The following TBP variants were observed in gnomAD, a reference collection of about 807,000 sequenced individuals.
The protein encoded by TBP is TATA-box binding protein.
A neutral mutation model predicts 46.2 loss-of-function variants in TBP; 12 were observed. The observed-to-expected ratio is 0.26, with a 90% CI of 0.17 to 0.42. TBP has a LOEUF of 0.42. Among genes scored for constraint, TBP ranks in the 10% least tolerant of loss-of-function variants. The pLI, the probability that TBP is intolerant of heterozygous loss-of-function variation, is 1.00. For synonymous variants in TBP, 157 were observed against 148.3 expected, an observed-to-expected ratio of 1.06 and a Z score of -0.42; for missense variants, 229 against 403.1, an observed-to-expected ratio of 0.57 and a Z score of 3.70.
Position 170,572,558 on chromosome 6 carries a change from G to A in TBP, c.*293G>A, listed in dbSNP as rs1449578245. On this transcript the variant is annotated 3_prime_UTR_variant, in exon 8 of 8. Coordinates refer to ENST00000392092, the MANE Select transcript of TBP (RefSeq NM_003194.5). Reference sequence around the variant, plus strand: ...AGATTTTAAACACTGCTGTTGACAAGTTGGTTTGAGGGAGAAAACTTTAAG... The same window carrying A: ...AGATTTTAAACACTGCTGTTGACAAATTGGTTTGAGGGAGAAAACTTTAAG... The A allele has an allele frequency of 3.0e-6, 1 of 330,666 alleles. No individual in the cohort carries two copies. The highest frequency in any genetic ancestry group is 5.2e-5 in the East Asian group (1 of 19,328). The allele number at this position is 330,666 out of a possible 1,614,324, so 20.5% of individuals were successfully genotyped here.
intron 2 of TBP, 57 bp downstream of exon 2, chr6:170,557,140 G>A: frequency 2.7e-6 from 4 of 1,483,788 alleles, no homozygotes; most frequent in Non-Finnish European, 3.8e-6. Flanking sequence ...GCAAGAGATG[G>A]TATCAAAAGG....
intron 2 of TBP, 39 bp from the exon 3 acceptor site, chr6:170,561,752 G>T (rs774448149): frequency 3.8e-6 from 6 of 1,587,860 alleles, no homozygotes; most frequent in Non-Finnish European, 5.2e-6. Flanking sequence ...ACACTTAGCA[G>T]CAGCCAGCCT....
intron 4 of TBP, among the ~76,000 whole-genome samples, chr6:170,566,027 T>G (rs758956537): frequency 6.6e-6 from 1 of 151,972 alleles, no homozygotes; most frequent in Non-Finnish European, 1.5e-5. Flanking sequence ...TGAGCCATGA[T>G]TGCACCACTG....
intron 7 of TBP, among the ~76,000 whole-genome samples, chr6:170,571,874 AGTT>A (rs1280477655): frequency 1.3e-5 from 2 of 151,912 alleles, no homozygotes; most frequent in Non-Finnish European, 1.5e-5. Context: ...AAGAAGATTC[AGTT>A]GTTATCATTG....
chr6:170,569,296 T>C (rs545787907), intron 5 of TBP, among the ~76,000 whole-genome samples: 1 of 152,338 alleles, frequency 6.6e-6, no homozygotes, highest in South Asian at 2.1e-4. Context: ...AGTTTTCCTC[T>C]CAGTAGAAAT....
At chr6:170,557,228 A>G (rs987338990) in intron 2 of TBP, 145 bp downstream of exon 2, 12 of 756,050 alleles carry the variant, frequency 1.6e-5, no homozygotes, top group South Asian at 1.4e-4. Flanking sequence ...GAGAAGTTCT[A>G]TTAGGCTTTG....
At chr6:170,568,453 T>G (rs1779306190) in intron 5 of TBP, among the ~76,000 whole-genome samples, 1 of 151,304 alleles carries the variant, frequency 6.6e-6, no homozygotes, top group Non-Finnish European at 1.5e-5. Context: ...CACATTCTTT[T>G]TTGTTGTTGT....
At chr6:170,557,191 A>G in intron 2 of TBP, 108 bp downstream of exon 2, 1 of 1,096,282 alleles carries the variant, frequency 9.1e-7, no homozygotes, top group Non-Finnish European at 1.4e-6. Context: ...AAAATGGTTT[A>G]ATATGTTTTT....
At chr6:170,568,281 C>G in intron 5 of TBP, among the ~76,000 whole-genome samples, 1 of 152,162 alleles carries the variant, frequency 6.6e-6, no homozygotes, top group East Asian at 1.9e-4. Flanking sequence ...CCCAGAGCAT[C>G]TGAAAACTGA....
chr6:170,561,446 T>C (rs1779136717), intron 2 of TBP, among the ~76,000 whole-genome samples: 1 of 152,216 alleles, frequency 6.6e-6, no homozygotes, highest in Non-Finnish European at 1.5e-5. Context: ...GAGCTCTTTA[T>C]TATTCTGTTT....
At chr6:170,568,815 CTTTTTTT>C (rs377394208) in intron 5 of TBP, among the ~76,000 whole-genome samples, 7 of 62,606 alleles carry the variant, frequency 1.1e-4, no homozygotes, top group Admixed American at 2.2e-4. Flanking sequence ...CTTTCCTTTT[CTTTTTTT>C]TTTTTTTTTT....
intron 5 of TBP, 60 bp downstream of exon 5, chr6:170,567,069 ATTG>A: frequency 7.0e-7 from 1 of 1,438,700 alleles, no homozygotes; most frequent in Admixed American, 1.9e-5. Context: ...GTGATATCTC[ATTG>A]TTTTTAGGTT....
chr6:170,568,985 G>C (rs1779323878), intron 5 of TBP, among the ~76,000 whole-genome samples: 1 of 151,572 alleles, frequency 6.6e-6, no homozygotes, highest in South Asian at 2.1e-4. Context: ...GCTAATTTTT[G>C]TATTTTTAGT....
intron 4 of TBP, 58 bp from the exon 5 acceptor site, chr6:170,566,860 C>A: frequency 6.6e-7 from 1 of 1,526,658 alleles, no homozygotes; most frequent in Non-Finnish European, 9.0e-7. Flanking sequence ...GGTGGTTCGC[C>A]TAACAACATT....
intron 2 of TBP, among the ~76,000 whole-genome samples, chr6:170,559,580 T>C (rs1386194185): frequency 6.6e-6 from 1 of 152,184 alleles, no homozygotes; most frequent in Non-Finnish European, 1.5e-5. Flanking sequence ...GAGGAAGCTG[T>C]AGAAGAAAGT....
chr6:170,555,683 AG>A (rs1448389904), intron 1 of TBP, among the ~76,000 whole-genome samples: 1 of 152,174 alleles, frequency 6.6e-6, no homozygotes, highest in African/African-American at 2.4e-5. Flanking sequence ...CTTCTCTTCC[AG>A]GGGTGTATAT....
At chr6:170,557,735 C>CAA (rs35269766) in intron 2 of TBP, among the ~76,000 whole-genome samples, 13,340 of 51,702 alleles carry the variant, frequency 0.26, 2,859 homozygotes, top group East Asian at 0.75. Context: ...GACTCTGTCT[C>CAA]AAAAAAAAAA....
chr6:170,563,515 A>C (rs879851910), intron 3 of TBP, among the ~76,000 whole-genome samples: 3 of 152,264 alleles, frequency 2.0e-5, no homozygotes, highest in Non-Finnish European at 4.4e-5. Flanking sequence ...GGTATAGTTC[A>C]TAAGTGGACA....
chr6:170,561,966 AGCAGCAGCAGCAGCAG>A lies in TBP; in HGVS notation c.231_246del (p.Gln77HisfsTer62), dbSNP rs1779152778. On this transcript the variant is annotated frameshift_variant, in exon 3 of 8. Coordinates refer to ENST00000392092, the MANE Select transcript of TBP (RefSeq NM_003194.5). LOFTEE classifies it high-confidence loss of function. ...CAGCAGCAGCAACAGCAACAGCAGC[AGCAGCAGCAGCAGCAG>A]CAGCAGCAGCAGCAGCAGCAGCAGC... 1.5e-3 allele frequency: 1,942 copies of A among 1,290,046 alleles called. 14 individuals carry two copies. The highest frequency in any genetic ancestry group is 7.4e-3 in the Middle Eastern group (38 of 5,118). The allele number at this position is 1,290,046 out of a possible 1,614,324, so 79.9% of individuals were successfully genotyped here.
Sources: allele counts gnomAD v4.1 joint callset (sites outside exome capture counted in the v4.1 genomes callset), GRCh38; gene constraint gnomAD v4.1.1; transcripts MANE v1.5; gene names NCBI Gene and HGNC (gene_info 2026-07-23, HGNC 2026-07-21).